Variants in CLRN1 observed in about 807,000 individuals in gnomAD.
CLRN1 encodes clarin 1.
CLRN1 carries 15 observed loss-of-function variants against 18.7 expected under a neutral mutation model. That is an observed-to-expected ratio of 0.80 (90% confidence interval 0.54 to 1.23). The LOEUF (loss-of-function observed/expected upper bound fraction) is 1.23. Ranked by LOEUF, CLRN1 falls within the 50% of genes most tolerant of loss-of-function variation. The pLI, the probability that CLRN1 is intolerant of heterozygous loss-of-function variation, is 0.00. For missense variants in CLRN1, 311 were observed against 277.5 expected (o/e 1.12, Z -0.86); for synonymous variants, 104 against 102.9 (o/e 1.01, Z -0.07).
intron 1 of CLRN1, among the ~76,000 whole-genome samples, chr3:150,955,285 G>A (rs1714686588): frequency 6.6e-6 from 1 of 152,220 alleles, no homozygotes; most frequent in Non-Finnish European, 1.5e-5. Context: ...ACCCGGGAGT[G>A]ATGGGTGTGT....
intron 1 of CLRN1, among the ~76,000 whole-genome samples, chr3:150,962,581 T>C (rs1014939324): frequency 1.3e-5 from 2 of 152,220 alleles, no homozygotes; most frequent in African/African-American, 4.8e-5. Flanking sequence ...TCCTTGACTT[T>C]GTTTTAAAAC....
intron 1 of CLRN1, among the ~76,000 whole-genome samples, chr3:150,957,689 CG>C (rs1305666964): frequency 6.6e-6 from 1 of 152,122 alleles, no homozygotes; most frequent in Non-Finnish European, 1.5e-5. Flanking sequence ...GACGGAGTCT[CG>C]CTCTGTCGCC....
At chr3:150,959,852 A>C (rs765336025) in intron 1 of CLRN1, among the ~76,000 whole-genome samples, 2 of 152,058 alleles carry the variant, frequency 1.3e-5, no homozygotes, top group African/African-American at 4.8e-5. Context: ...CCTTTTATCT[A>C]TTGCTGATTC....
chr3:150,970,590 T>C (rs1380744851), intron 1 of CLRN1, among the ~76,000 whole-genome samples: 1 of 151,984 alleles, frequency 6.6e-6, no homozygotes, highest in Non-Finnish European at 1.5e-5. Context: ...TTAACATGTA[T>C]AGTATATACA....
In CLRN1 at chr3:150,927,183, T is replaced by G. The variant is rs1281833332; in HGVS notation, c.*753A>C. On this transcript the variant is annotated 3_prime_UTR_variant, in exon 3 of 3. Coordinates refer to ENST00000327047, the MANE Select transcript of CLRN1 (RefSeq NM_174878.3). ...CTCAGGCACGGGAGGAAAAATACCC[T>G]AAGCTTGGTTTTTTCTTCTTTTCTT... The G allele has an allele frequency of 2.2e-5, 13 of 584,988 alleles. No homozygotes were observed. Among genetic ancestry groups the G allele is most frequent in the South Asian group, 4.6e-5 (3 of 65,748 alleles). 36.2% of individuals were successfully genotyped at this position (584,988 alleles called of 1,614,324 possible). A position where few individuals can be genotyped will look rare whatever the true frequency, so the allele number is the denominator to read the frequency against.
intron 1 of CLRN1, among the ~76,000 whole-genome samples, chr3:150,952,541 T>G (rs113359950): frequency 0.012 from 1,787 of 152,342 alleles, 47 homozygotes; most frequent in African/African-American, 0.041. Flanking sequence ...AACATCATCA[T>G]AAGTCGAGTC....
At chr3:150,938,670 A>C (rs912584238) in intron 2 of CLRN1, among the ~76,000 whole-genome samples, 1 of 152,158 alleles carries the variant, frequency 6.6e-6, no homozygotes, top group Non-Finnish European at 1.5e-5. Context: ...ATCTAAAAAC[A>C]CTGGCCTTTA....
chr3:150,965,527 A>G (rs1231529637), intron 1 of CLRN1, among the ~76,000 whole-genome samples: 1 of 152,168 alleles, frequency 6.6e-6, no homozygotes, highest in Non-Finnish European at 1.5e-5. Context: ...GACCCACCCA[A>G]TATTTTTTTC....
In CLRN1 at chr3:150,959,368, C is replaced by T. The variant is rs137900653; in HGVS notation, c.253+13088G>A. Among the ~76,000 whole-genome samples, 477 of 152,270 alleles carry T rather than the reference C, an allele frequency of 3.1e-3. 3 individuals are homozygous for T. Among genetic ancestry groups the T allele is most frequent in the African/African-American group, 0.011 (448 of 41,530 alleles). On this transcript the variant is annotated intron_variant, in intron 1 of 2. Transcript: ENST00000327047. ...TTACAGCCGGGCTTGGTGGCTCACGCTTGTAATCTCAGCACTTTGGGAGGC... is the reference window on the plus strand; with the variant it reads ...TTACAGCCGGGCTTGGTGGCTCACGTTTGTAATCTCAGCACTTTGGGAGGC...
intron 1 of CLRN1, among the ~76,000 whole-genome samples, chr3:150,947,501 A>G (rs1335172558): frequency 6.6e-6 from 1 of 152,212 alleles, no homozygotes; most frequent in African/African-American, 2.4e-5. Context: ...TCATGGAGGC[A>G]GGAAATTAGC....
intron 1 of CLRN1, chr3:150,943,668 TG>T: frequency 8.1e-7 from 1 of 1,237,266 alleles, no homozygotes; most frequent in Non-Finnish European, 1.2e-6. Flanking sequence ...ACTGTCACCC[TG>T]GCCCTTTGCC....
intron 1 of CLRN1, chr3:150,942,565 C>A: frequency 2.2e-6 from 1 of 452,982 alleles, no homozygotes; most frequent in Non-Finnish European, 4.4e-6. Context: ...ATGTGCCAGG[C>A]ATTATTCTAG....
At chr3:150,942,518 T>A (rs190306708) in intron 1 of CLRN1, 45 of 415,888 alleles carry the variant, frequency 1.1e-4, no homozygotes, top group African/African-American at 8.7e-4. Context: ...TCCCCAAACA[T>A]GTATCAAGTG....
At chr3:150,969,874 G>C (rs1271629494) in intron 1 of CLRN1, among the ~76,000 whole-genome samples, 1 of 152,082 alleles carries the variant, frequency 6.6e-6, no homozygotes, top group African/African-American at 2.4e-5. Flanking sequence ...TACTTGGGAG[G>C]CTGAGGCAGG....
chr3:150,961,344 T>G (rs1316690666), intron 1 of CLRN1, among the ~76,000 whole-genome samples: 1 of 152,126 alleles, frequency 6.6e-6, no homozygotes, highest in Non-Finnish European at 1.5e-5. Context: ...CCCCCAGAGA[T>G]CCTGATTCAA....
chr3:150,928,509 G>A (rs552904244), intron 2 of CLRN1, among the ~76,000 whole-genome samples: 1 of 152,326 alleles, frequency 6.6e-6, no homozygotes, highest in South Asian at 2.1e-4. Context: ...TTTGCATGAT[G>A]TGAAGGCTGA....
intron 1 of CLRN1, among the ~76,000 whole-genome samples, chr3:150,957,752 G>A (rs1450475016): frequency 7.2e-5 from 11 of 152,066 alleles, no homozygotes; most frequent in South Asian, 6.2e-4. Context: ...TCTGCCTCCC[G>A]GGTTCAAGCA....
At chr3:150,950,478 T>A (rs1365427705) in intron 1 of CLRN1, among the ~76,000 whole-genome samples, 1 of 152,066 alleles carries the variant, frequency 6.6e-6, no homozygotes, top group Non-Finnish European at 1.5e-5. Flanking sequence ...AACAACCCCA[T>A]TAAAAAGTGG....
At chr3:150,963,485 C>T (rs1230553428) in intron 1 of CLRN1, among the ~76,000 whole-genome samples, 5 of 152,164 alleles carry the variant, frequency 3.3e-5, no homozygotes, top group Admixed American at 2.0e-4. Flanking sequence ...AATGGCCATA[C>T]TGCCCAAAGT....
Sources: gnomAD v4.1 joint callset for allele counts (sites outside exome capture counted in the v4.1 genomes callset) on GRCh38, gnomAD v4.1.1 for gene constraint, MANE v1.5 for transcripts, NCBI Gene and HGNC (gene_info 2026-07-23, HGNC 2026-07-21) for gene names.